The following WNT7B variants were observed in gnomAD, a reference collection of about 807,000 sequenced individuals.
The protein encoded by WNT7B is Wnt family member 7B, also known as protein Wnt-7b.
Under a neutral mutation model 38.2 loss-of-function variants are expected in WNT7B, and 19 were observed. That is an observed-to-expected ratio of 0.50 (90% CI 0.35 to 0.73). WNT7B has a LOEUF of 0.73. Among genes scored for constraint, WNT7B ranks in the 30% least tolerant of loss-of-function variants. WNT7B has a pLI of 0.01. For synonymous variants in WNT7B, 243 were observed against 209.3 expected (o/e 1.16, Z -1.39); for missense variants, 423 against 507.9 (o/e 0.83, Z 1.61).
In WNT7B at chr22:45,976,245, C is replaced by A. The variant is rs1010374926; in HGVS notation, c.71+439G>T. 4.5e-4 allele frequency among the ~76,000 whole-genome samples: 66 copies of A among 146,636 alleles called. No homozygotes were observed. Among genetic ancestry groups the A allele is most frequent in the African/African-American group, 1.6e-3 (64 of 40,954 alleles). On this transcript the variant is annotated intron_variant, in intron 1 of 3. Transcript: ENST00000339464. The surrounding 1 kb of genome is among the most constrained non-coding windows in gnomAD (Gnocchi z 8.5). ...CGCTCGCGGCCGGGTGCGCGCCCCC[C>A]GCCCTCCCGGGCCTCCGCAGGCGCC...
chr22:45,972,692 C>G (rs1601745174), intron 1 of WNT7B: 1 of 152,398 alleles, frequency 6.6e-6, no homozygotes, highest in East Asian at 1.9e-4. Flanking sequence ...AGGGCTTGCC[C>G]AAGTTGCCTT....
At chr22:45,956,522 C>G (rs545621340) in intron 1 of WNT7B, among the ~76,000 whole-genome samples, 1 of 152,232 alleles carries the variant, frequency 6.6e-6, no homozygotes, top group Non-Finnish European at 1.5e-5. Flanking sequence ...CACCCACCAC[C>G]GATGGGTCCA....
chr22:45,941,007 GAA>G (rs1931632476), intron 2 of WNT7B, among the ~76,000 whole-genome samples: 1 of 152,210 alleles, frequency 6.6e-6, no homozygotes, highest in African/African-American at 2.4e-5. Context: ...ACTTTGTTCT[GAA>G]AAGATGGAAG....
chr22:45,929,012 G>A (rs901975899), intron 3 of WNT7B, among the ~76,000 whole-genome samples: 1 of 151,994 alleles, frequency 6.6e-6, no homozygotes, highest in Non-Finnish European at 1.5e-5. Flanking sequence ...CAGGTCTGCT[G>A]CTCACTCTGA....
chr22:45,948,600 C>T (rs1484168396), intron 2 of WNT7B, among the ~76,000 whole-genome samples: 1 of 152,182 alleles, frequency 6.6e-6, no homozygotes, highest in African/African-American at 2.4e-5. Context: ...TCCCCCCCCT[C>T]CTCTGCCTCT....
At position 45,965,161 on chromosome 22, in the gene WNT7B, GT is replaced by G. The variant is rs1932284416; in HGVS notation, c.71+11522del. On this transcript the variant is annotated intron_variant, in intron 1 of 3. Coordinates refer to ENST00000339464, the MANE Select transcript of WNT7B (RefSeq NM_058238.3). The surrounding 1 kb of genome is among the most constrained non-coding windows in gnomAD (Gnocchi z 6.5). The stretch of plus-strand genomic sequence containing the variant: ...TGCCACATCCTCTTCACACCTCCAG[GT>G]CTTTGCCCACGTCTGTCCCTTTCCC... Among the ~76,000 whole-genome samples the G allele has an allele frequency of 1.3e-5, 2 of 152,016 alleles. No individual in the cohort carries two copies. The highest frequency in any genetic ancestry group is 6.6e-5 in the Admixed American group (1 of 15,264).
intron 2 of WNT7B, among the ~76,000 whole-genome samples, chr22:45,931,647 C>G (rs1256163494): frequency 6.6e-6 from 1 of 152,164 alleles, no homozygotes; most frequent in African/African-American, 2.4e-5. Context: ...CGACTGCCCT[C>G]CAGCATGCAG....
chr22:45,948,399 G>A (rs1053875658), intron 2 of WNT7B, among the ~76,000 whole-genome samples: 6 of 152,290 alleles, frequency 3.9e-5, no homozygotes, highest in African/African-American at 1.4e-4. Context: ...CCCACAGGCT[G>A]CTCACCACAA....
intron 1 of WNT7B, among the ~76,000 whole-genome samples, chr22:45,950,737 G>A (rs1931912976): frequency 6.6e-6 from 1 of 152,166 alleles, no homozygotes; most frequent in Non-Finnish European, 1.5e-5. Flanking sequence ...ATGAAATGGG[G>A]GTATAAAACA....
At chr22:45,927,969 A>G (rs2146706998) in intron 3 of WNT7B, among the ~76,000 whole-genome samples, 1 of 152,302 alleles carries the variant, frequency 6.6e-6, no homozygotes, top group Admixed American at 6.5e-5. Context: ...GGCTGGAGGG[A>G]TGTGGCCACA....
chr22:45,964,601 C>G (rs755002787), intron 1 of WNT7B, among the ~76,000 whole-genome samples: 5 of 152,316 alleles, frequency 3.3e-5, no homozygotes, highest in Middle Eastern at 3.4e-3. Context: ...TGGAAGTCAT[C>G]CAGCCCCGGG....
intron 2 of WNT7B, chr22:45,936,062 A>G (rs1931506960): frequency 1.0e-6 from 1 of 985,262 alleles, no homozygotes; most frequent in Non-Finnish European, 1.2e-6. Context: ...GCCAGAGCAG[A>G]CTATATTCTG....
Position 45,977,090 on chromosome 22 carries a change from T to C in WNT7B, c.-336A>G, listed in dbSNP as rs1238717036. On this transcript the variant is annotated 5_prime_UTR_variant, in exon 1 of 4. Coordinates refer to ENST00000339464, the MANE Select transcript of WNT7B (RefSeq NM_058238.3). ...GCAGCCTGCACTAGGCGCAGCCGCC[T>C]GAGGCCGTGAGCGCCTCGCCGAGCG... The C allele has an allele frequency of 1.1e-6, 1 of 889,198 alleles. No individual in the cohort carries two copies. The highest frequency in any genetic ancestry group is 1.2e-4 in the East Asian group (1 of 8,342). 55.1% of individuals were successfully genotyped at this position (889,198 alleles called of 1,614,324 possible).
chr22:45,940,178 G>A (rs1931610785), intron 2 of WNT7B, among the ~76,000 whole-genome samples: 2 of 152,092 alleles, frequency 1.3e-5, no homozygotes, highest in African/African-American at 4.8e-5. Context: ...GCTTTCAGAG[G>A]GTTTCATACC....
chr22:45,971,964 G>A (rs1459004749), intron 1 of WNT7B, among the ~76,000 whole-genome samples: 2 of 152,188 alleles, frequency 1.3e-5, no homozygotes, highest in Non-Finnish European at 2.9e-5. Context: ...TGCCGTAGCT[G>A]CCCGCCAAGT....
At chr22:45,972,077 C>A in intron 1 of WNT7B, 1 of 537,512 alleles carries the variant, frequency 1.9e-6, no homozygotes. Flanking sequence ...CTGCCGCGTT[C>A]CCTGCCCGCC....
chr22:45,972,519 GTCTGT>G (rs1932471042), intron 1 of WNT7B: 3 of 171,312 alleles, frequency 1.8e-5, no homozygotes, highest in African/African-American at 7.2e-5. Flanking sequence ...ACCTCCGTCC[GTCTGT>G]CGGTGCGAAC....
chr22:45,950,220 C>A, intron 1 of WNT7B, 74 bp from the exon 2 acceptor site: 2 of 1,309,620 alleles, frequency 1.5e-6, no homozygotes, highest in Admixed American at 2.0e-5. Flanking sequence ...CACCTTTCCC[C>A]CACTCAGCCT....
chr22:45,930,721 G>C (rs566562922), intron 3 of WNT7B, among the ~76,000 whole-genome samples: 2 of 152,340 alleles, frequency 1.3e-5, no homozygotes, highest in African/African-American at 2.4e-5. Flanking sequence ...GTCTTTCCTG[G>C]TGTGCCGAGG....
Sources: gnomAD v4.1 joint callset for allele counts (sites outside exome capture counted in the v4.1 genomes callset) on GRCh38, gnomAD v4.1.1 for gene constraint, Gnocchi (gnomAD v3.1) non-coding constraint, MANE v1.5 for transcripts, NCBI Gene and HGNC (gene_info 2026-07-23, HGNC 2026-07-21) for gene names.